KIDINS220: variants seen among roughly 807,000 people sequenced by gnomAD.
KIDINS220 encodes the protein kinase D-interacting substrate of 220 kDa.
In KIDINS220, 63 loss-of-function variants were observed where a neutral mutation model predicts 157.6. The observed-to-expected ratio is 0.40, with a 90% CI of 0.33 to 0.49. The LOEUF (loss-of-function observed/expected upper bound fraction) is 0.49. Among genes scored for constraint, KIDINS220 ranks in the 20% least tolerant of loss-of-function variants. The pLI is 0.66. For missense variants in KIDINS220, 1,772 were observed against 2,171.2 expected (o/e 0.82, Z 3.65); for synonymous variants, 732 against 783.6 (o/e 0.93, Z 1.10).
Position 8,779,736 on chromosome 2 carries a change from C to T in KIDINS220, c.2308G>A (p.Val770Met), listed in dbSNP as rs374637529. Residue 770 changes from valine to methionine, a missense_variant, in exon 18 of 30, where the codon GTG becomes ATG. Coordinates refer to ENST00000256707, the MANE Select transcript of KIDINS220 (RefSeq NM_020738.4). ...GCATCTAATCCATCGATGATGACCA[C>T]CAGCCTTGTCTGATTCTGAGTGAAG... Reference protein sequence around the residue: ...DSFTQNQTRLVVIIDGLDACE... With the variant: ...DSFTQNQTRLMVIIDGLDACE... 2 of 1,614,058 alleles carry T rather than the reference C, an allele frequency of 1.2e-6. No homozygotes were observed. The highest frequency in any genetic ancestry group is 1.7e-6 in the Non-Finnish European group (2 of 1,180,034).
At chr2:8,786,425 A>G (rs1000721825) in intron 15 of KIDINS220, 68 bp from the exon 16 acceptor site, 53 of 1,194,714 alleles carry the variant, frequency 4.4e-5, no homozygotes, top group Non-Finnish European at 6.4e-5. Context: ...AATGTATGTC[A>G]TCTTTGCATC....
chr2:8,830,903 A>C (rs1679521534), intron 1 of KIDINS220, among the ~76,000 whole-genome samples: 1 of 152,194 alleles, frequency 6.6e-6, no homozygotes, highest in Non-Finnish European at 1.5e-5. Context: ...TCCAGAAAAG[A>C]GTAAACAGTT....
chr2:8,771,462 A>G (rs1670221091), intron 21 of KIDINS220, among the ~76,000 whole-genome samples: 1 of 152,226 alleles, frequency 6.6e-6, no homozygotes, highest in Admixed American at 6.5e-5. Context: ...GTGTACATGT[A>G]GACAGTCGCA....
chr2:8,804,902 C>A (rs1201164289), intron 7 of KIDINS220, among the ~76,000 whole-genome samples: 2 of 152,138 alleles, frequency 1.3e-5, no homozygotes, highest in Non-Finnish European at 2.9e-5. Flanking sequence ...TAGCATCAGA[C>A]CCCACAGGCA....
At position 8,778,619 on chromosome 2, in the gene KIDINS220, C is replaced by A. The variant is rs764670502; in HGVS notation, c.2703+20G>T. On this transcript the variant is annotated intron_variant, in intron 20 of 29. Transcript: ENST00000256707. ...TGAATAGCAATACAAACATACAGCTCGAAGCCAATGGCATCTTACCCGTCT... is the reference window on the plus strand; with the variant it reads ...TGAATAGCAATACAAACATACAGCTAGAAGCCAATGGCATCTTACCCGTCT... 1 of 1,524,766 alleles carries A rather than the reference C, an allele frequency of 6.6e-7. No individual in the cohort carries two copies. The highest frequency in any genetic ancestry group is 2.2e-5 in the East Asian group (1 of 44,488). The allele number at this position is 1,524,766 out of a possible 1,614,324, so 94.5% of individuals were successfully genotyped here.
intron 12 of KIDINS220, among the ~76,000 whole-genome samples, chr2:8,793,094 TA>T (rs1364086502): frequency 6.6e-6 from 1 of 152,114 alleles, no homozygotes; most frequent in Non-Finnish European, 1.5e-5. Context: ...AGTTGGGATA[TA>T]GGGGGTAATG....
intron 21 of KIDINS220, among the ~76,000 whole-genome samples, chr2:8,773,476 C>CTT (rs748234420): frequency 7.2e-6 from 1 of 139,288 alleles, no homozygotes; most frequent in African/African-American, 2.6e-5. Flanking sequence ...TAGATTTTTT[C>CTT]TTTTTTTTTT....
downstream of KIDINS220, among the ~76,000 whole-genome samples, chr2:8,725,979 T>C (rs1363502167): frequency 6.6e-6 from 1 of 152,230 alleles, no homozygotes; most frequent in Non-Finnish European, 1.5e-5. Flanking sequence ...AAAAGATGAC[T>C]GCAGCTGAAG....
At position 8,779,144 on chromosome 2, in the gene KIDINS220, G is replaced by A; in HGVS notation, c.2371-5C>T. 6.2e-7 allele frequency: 1 copy of A among 1,611,588 alleles called. No homozygotes were observed. The highest frequency in any genetic ancestry group is 8.5e-7 in the Non-Finnish European group (1 of 1,179,770). On this transcript the variant is annotated splice_region_variant and splice_polypyrimidine_tract_variant and intron_variant, in intron 18 of 29. Transcript: ENST00000256707. ...TTTTGAAAACAGAACTCGGACCTGT[G>A]GCAGAAGAAATGTACAGTTGTGACA...
downstream of KIDINS220, chr2:8,727,361 TATTCCC>T (rs1663428605): frequency 1.5e-6 from 1 of 688,808 alleles, no homozygotes; most frequent in Non-Finnish European, 1.8e-6. Flanking sequence ...TTTACCCACG[TATTCCC>T]TCAAGTCACT....
intron 22 of KIDINS220, among the ~76,000 whole-genome samples, chr2:8,758,203 G>C (rs920128614): frequency 2.6e-5 from 4 of 152,200 alleles, no homozygotes. Flanking sequence ...CATTAAATCT[G>C]ATGATAGGAA....
Position 8,770,851 on chromosome 2 carries a change from G to T in KIDINS220, c.2849-19C>A. On this transcript the variant is annotated intron_variant, in intron 21 of 29. Transcript: ENST00000256707. ...AATCGTCCTTTTAAAAAATACAAAAGCATTTAAAAATTAATAGATGTGTGA... is the reference window on the plus strand; with the variant it reads ...AATCGTCCTTTTAAAAAATACAAAATCATTTAAAAATTAATAGATGTGTGA... 6.5e-7 allele frequency: 1 copy of T among 1,527,164 alleles called. No homozygotes were observed. The highest frequency in any genetic ancestry group is 8.9e-7 in the Non-Finnish European group (1 of 1,119,858). 94.6% of individuals were successfully genotyped at this position (1,527,164 alleles called of 1,614,324 possible).
chr2:8,834,498 A>G (rs1680112886), intron 1 of KIDINS220, among the ~76,000 whole-genome samples: 1 of 150,702 alleles, frequency 6.6e-6, no homozygotes, highest in Non-Finnish European at 1.5e-5. Context: ...CCCCTTCCAC[A>G]GCCCTACTTT....
chr2:8,773,375 T>C (rs1267302974), intron 21 of KIDINS220, among the ~76,000 whole-genome samples: 1 of 152,206 alleles, frequency 6.6e-6, no homozygotes, highest in African/African-American at 2.4e-5. Context: ...AATTTGGTCC[T>C]CTTTAGAGTG....
At chr2:8,752,430 T>C (rs1400857114) in intron 22 of KIDINS220, among the ~76,000 whole-genome samples, 1 of 152,112 alleles carries the variant, frequency 6.6e-6, no homozygotes, top group African/African-American at 2.4e-5. Flanking sequence ...ATGGCAGGAC[T>C]TGGGTGGGAA....
intron 4 of KIDINS220, among the ~76,000 whole-genome samples, chr2:8,816,096 A>C (rs570712746): frequency 1.6e-4 from 25 of 152,232 alleles, no homozygotes; most frequent in Non-Finnish European, 2.9e-4. Context: ...TCAGTGTTTT[A>C]AAGCCAAAAT....
intron 22 of KIDINS220, among the ~76,000 whole-genome samples, chr2:8,760,873 G>T (rs534209564): frequency 6.6e-6 from 1 of 152,212 alleles, no homozygotes; most frequent in East Asian, 1.9e-4. Context: ...ATTACTGCAT[G>T]ATATTTACCC....
chr2:8,776,659 C>T (rs1670992588), intron 21 of KIDINS220, 89 bp downstream of exon 21: 2 of 1,172,758 alleles, frequency 1.7e-6, no homozygotes, highest in African/African-American at 3.1e-5. Context: ...AACATATACA[C>T]ACAATACATA....
At position 8,730,697 on chromosome 2, in the gene KIDINS220, C is replaced by G; in HGVS notation, c.*23G>C. 1.2e-6 allele frequency: 2 copies of G among 1,604,480 alleles called. No homozygotes were observed. Among genetic ancestry groups the G allele is most frequent in the Non-Finnish European group, 1.7e-6 (2 of 1,176,388 alleles). ...ATTCTGTCATAAAGGTACAGTAACA[C>G]TCTTCTCCTTTGCTTGTTTTTCTCA... On this transcript the variant is annotated 3_prime_UTR_variant, in exon 30 of 30. Coordinates refer to ENST00000256707, the MANE Select transcript of KIDINS220 (RefSeq NM_020738.4).
Sources: gnomAD v4.1 joint callset for allele counts (sites outside exome capture counted in the v4.1 genomes callset) on GRCh38, gnomAD v4.1.1 for gene constraint, MANE v1.5 for transcripts, NCBI Gene and HGNC (gene_info 2026-07-23, HGNC 2026-07-21) for gene names.